The following TRPC6 variants were observed in gnomAD, a reference collection of about 807,000 sequenced individuals.
The protein encoded by TRPC6 is transient receptor potential cation channel subfamily C member 6.
In TRPC6, 55 loss-of-function variants were observed where a neutral mutation model predicts 90.7. The observed-to-expected ratio is 0.61, with a 90% CI of 0.49 to 0.76. TRPC6 has a LOEUF of 0.76. Ranked by LOEUF, TRPC6 falls within the 30% of genes least tolerant of loss-of-function variation. The probability of loss-of-function intolerance (pLI) is 0.00; values close to 1 mark genes in which losing one functional copy is unlikely to be tolerated. For synonymous variants in TRPC6, 393 were observed against 393.0 expected (o/e 1.00, Z 0.00); for missense variants, 989 against 1,122.7 (o/e 0.88, Z 1.70).
chr11:101,548,905 C>A (rs1271420397), intron 1 of TRPC6, among the ~76,000 whole-genome samples: 1 of 151,890 alleles, frequency 6.6e-6, no homozygotes, highest in African/African-American at 2.4e-5. Context: ...GTTACATATG[C>A]ATTGACAAGT....
intron 1 of TRPC6, among the ~76,000 whole-genome samples, chr11:101,524,255 T>A (rs578098534): frequency 1.3e-5 from 2 of 152,316 alleles, no homozygotes; most frequent in Middle Eastern, 3.4e-3. Context: ...CATTTTTTTA[T>A]TTTTTATTTT....
chr11:101,559,700 T>C (rs1368879249), intron 1 of TRPC6, among the ~76,000 whole-genome samples: 2 of 151,662 alleles, frequency 1.3e-5, no homozygotes, highest in African/African-American at 4.9e-5. Flanking sequence ...TTGTTACATA[T>C]GTATACGTGT....
chr11:101,555,043 T>A (rs955508255), intron 1 of TRPC6, among the ~76,000 whole-genome samples: 1 of 152,150 alleles, frequency 6.6e-6, no homozygotes, highest in African/African-American at 2.4e-5. Context: ...TTCAGTGCTA[T>A]GACACTGCGG....
Position 101,491,619 on chromosome 11 carries a change from A to T in TRPC6, c.1065T>A (p.Ser355Arg). 6.2e-7 allele frequency: 1 copy of T among 1,613,880 alleles called. No individual in the cohort carries two copies. Among genetic ancestry groups the T allele is most frequent in the South Asian group, 1.1e-5 (1 of 91,078 alleles). The change falls in exon 3 of 13, where the codon AGT (serine) becomes AGA (arginine). Residue 355 changes from serine to arginine, a missense_variant. By Grantham distance (110) the Ser-to-Arg change is moderately radical. This residue lies in a region of TRPC6 where 486 missense variants were observed against 591.9 expected (regional missense o/e 0.82). Coordinates refer to ENST00000344327, the MANE Select transcript of TRPC6 (RefSeq NM_004621.6). ...ILNGDVETLQSGDHGRPNLSR... is the reference protein window; with the variant it reads ...ILNGDVETLQRGDHGRPNLSR... ...TGAGATTTGGGCGACCGTGATCACC[A>T]CTCTGGAGCGTTTCAACATCCCCAT...
intron 1 of TRPC6, among the ~76,000 whole-genome samples, chr11:101,516,311 T>C (rs1860520658): frequency 6.6e-6 from 1 of 152,150 alleles, no homozygotes; most frequent in South Asian, 2.1e-4. Flanking sequence ...TCTTATTTTT[T>C]ATTATTGTGA....
intron 9 of TRPC6, 141 bp from the exon 10 acceptor site, chr11:101,469,642 A>C: frequency 3.4e-6 from 2 of 583,252 alleles, no homozygotes; most frequent in South Asian, 4.0e-5. Flanking sequence ...TCCCTTTGCA[A>C]GTGCTTGCTT....
intron 10 of TRPC6, among the ~76,000 whole-genome samples, chr11:101,456,861 CATATT>C (rs1414464053): frequency 6.6e-6 from 1 of 152,022 alleles, no homozygotes; most frequent in Non-Finnish European, 1.5e-5. Flanking sequence ...GCATATATAA[CATATT>C]TTATTTTCAG....
At chr11:101,472,411 TGTTTA>T in intron 7 of TRPC6, 79 bp from the exon 8 acceptor site, 13 of 1,398,776 alleles carry the variant, frequency 9.3e-6, no homozygotes, top group Non-Finnish European at 1.3e-5. Flanking sequence ...AAAGTGAGTT[TGTTTA>T]GTGTCTGCAA....
intron 1 of TRPC6, among the ~76,000 whole-genome samples, chr11:101,582,689 C>A (rs1862224174): frequency 6.6e-6 from 1 of 152,162 alleles, no homozygotes; most frequent in Non-Finnish European, 1.5e-5. Context: ...CTCGTCTCCC[C>A]AGACGCCCCG....
intron 1 of TRPC6, among the ~76,000 whole-genome samples, chr11:101,575,753 G>C (rs1031645921): frequency 6.6e-6 from 1 of 152,168 alleles, no homozygotes; most frequent in African/African-American, 2.4e-5. Context: ...GAAAGAGAAA[G>C]TGGGGGTTAA....
In TRPC6 at chr11:101,467,926, C is replaced by T. The variant is rs576989946; in HGVS notation, c.2484+1501G>A. ...ATGACTTTGTAGCTCTGTTAAATACCTTATTTTCCATTTCTTAAATTTCCT... is the reference window on the plus strand; with the variant it reads ...ATGACTTTGTAGCTCTGTTAAATACTTTATTTTCCATTTCTTAAATTTCCT... On this transcript the variant is annotated intron_variant, in intron 10 of 12. Coordinates refer to ENST00000344327, the MANE Select transcript of TRPC6 (RefSeq NM_004621.6). Among the ~76,000 whole-genome samples the T allele has an allele frequency of 3.3e-5, 5 of 152,260 alleles. 1 individual carries two copies. The East Asian group carries it at 7.7e-4, about 24-fold the overall frequency.
At chr11:101,465,077 G>C (rs1859110017) in intron 10 of TRPC6, among the ~76,000 whole-genome samples, 1 of 152,128 alleles carries the variant, frequency 6.6e-6, no homozygotes, top group African/African-American at 2.4e-5. Context: ...GAAATTCTGG[G>C]TTGCAAATTA....
chr11:101,488,301 C>T (rs1859723644), intron 4 of TRPC6, among the ~76,000 whole-genome samples: 1 of 152,176 alleles, frequency 6.6e-6, no homozygotes, highest in African/African-American at 2.4e-5. Flanking sequence ...TCCATCTGAA[C>T]ATAGCATTTT....
chr11:101,474,784 C>T (rs920120396), intron 6 of TRPC6, among the ~76,000 whole-genome samples: 3 of 152,264 alleles, frequency 2.0e-5, no homozygotes, highest in East Asian at 3.9e-4. Context: ...CAGGTTTCTA[C>T]GAGGTGGTAG....
At chr11:101,458,027 C>G (rs1188812716) in intron 10 of TRPC6, among the ~76,000 whole-genome samples, 1 of 152,166 alleles carries the variant, frequency 6.6e-6, no homozygotes, top group Non-Finnish European at 1.5e-5. Flanking sequence ...AACATCATAA[C>G]TTAGCCTAGC....
At chr11:101,491,398 C>A in intron 3 of TRPC6, 158 bp downstream of exon 3, 1 of 866,508 alleles carries the variant, frequency 1.2e-6, no homozygotes, top group Non-Finnish European at 1.7e-6. Context: ...CGCACCACTG[C>A]ACTCCAGACT....
intron 1 of TRPC6, among the ~76,000 whole-genome samples, chr11:101,581,462 C>T (rs7120953): frequency 0.38 from 58,111 of 152,018 alleles, 11,744 homozygotes; most frequent in Non-Finnish European, 0.46. Flanking sequence ...CATTTTTTGA[C>T]AGACACAGCG....
At position 101,471,410 on chromosome 11, in the gene TRPC6, C is replaced by T. The variant is rs751123975; in HGVS notation, c.2206-24G>A. On this transcript the variant is annotated intron_variant, in intron 8 of 12. Transcript: ENST00000344327. The stretch of plus-strand genomic sequence containing the variant: ...TCCTATACAAATACACATGACAGTT[C>T]AGCAAGGAAATGCATAAACAGAATT... 31 of 1,612,152 alleles carry T rather than the reference C, an allele frequency of 1.9e-5. 1 individual carries two copies. In the South Asian group the frequency reaches 3.2e-4, roughly 17 times the overall value.
At chr11:101,459,932 T>C (rs948244507) in intron 10 of TRPC6, among the ~76,000 whole-genome samples, 5 of 152,176 alleles carry the variant, frequency 3.3e-5, no homozygotes, top group African/African-American at 1.2e-4. Context: ...TATGCTTGTG[T>C]GATGGGTTGT....
Sources: allele counts gnomAD v4.1 joint callset (sites outside exome capture counted in the v4.1 genomes callset), GRCh38; gene constraint gnomAD v4.1.1; regional missense constraint gnomAD v4.1.1; transcripts MANE v1.5; gene names NCBI Gene and HGNC (gene_info 2026-07-23, HGNC 2026-07-21).